EPS15L1: variants seen among roughly 807,000 people sequenced by gnomAD.
EPS15L1 encodes the protein epidermal growth factor receptor substrate 15-like 1.
In EPS15L1, 43 loss-of-function variants were observed where a neutral mutation model predicts 117.1. The ratio of observed to expected loss-of-function variants is 0.37; its 90% CI spans 0.29 to 0.47. The LOEUF (loss-of-function observed/expected upper bound fraction) is 0.47, where lower values mean the gene tolerates loss of function less well. Ranked by LOEUF, EPS15L1 falls within the 20% of genes least tolerant of loss-of-function variation. EPS15L1 has a pLI of 0.99. For missense variants in EPS15L1, 981 were observed against 1,164.0 expected, an observed-to-expected ratio of 0.84 and a Z score of 2.29; for synonymous variants, 459 against 470.5, an observed-to-expected ratio of 0.98 and a Z score of 0.32.
At chr19:16,393,572 C>T (rs1468693339) in intron 18 of EPS15L1, among the ~76,000 whole-genome samples, 1 of 150,650 alleles carries the variant, frequency 6.6e-6, no homozygotes, top group Admixed American at 6.6e-5. Flanking sequence ...TGGCGTGAAC[C>T]CGGGAGGCGG....
In EPS15L1 at chr19:16,436,963, A is replaced by T. The variant is rs756869570; in HGVS notation, c.346T>A (p.Ser116Thr). 1 of 1,614,094 alleles carries T rather than the reference A, an allele frequency of 6.2e-7. No homozygotes were observed. Among genetic ancestry groups the T allele is most frequent in the East Asian group, 2.2e-5 (1 of 44,886 alleles). The change falls in exon 6 of 24, where the codon TCT becomes ACT. Residue 116 changes from serine (S) to threonine (T), a missense_variant. Coordinates refer to ENST00000455140, the MANE Select transcript of EPS15L1 (RefSeq NM_001258374.3). ...TSSPLMVTPP[S>T]AEAHWAVRVE... ...CTCACAGCCCAGTGGGCCTCTGCAGAGGGCGGTGTGACCATCAGAGGGCTG... is the reference window on the plus strand; with the variant it reads ...CTCACAGCCCAGTGGGCCTCTGCAGTGGGCGGTGTGACCATCAGAGGGCTG...
chr19:16,417,833 C>T (rs2092773612), intron 11 of EPS15L1, 115 bp downstream of exon 11: 1 of 1,431,194 alleles, frequency 7.0e-7, no homozygotes, highest in Non-Finnish European at 9.5e-7. Context: ...TTGAGGAAGG[C>T]AGGGACCACA....
chr19:16,372,525 G>A (rs1372015022), intron 22 of EPS15L1, among the ~76,000 whole-genome samples: 2 of 152,184 alleles, frequency 1.3e-5, no homozygotes, highest in Non-Finnish European at 2.9e-5. Flanking sequence ...CTCCCTGCAC[G>A]CTTTTTTTAA....
chr19:16,361,737 G>A (rs372537893), intron 23 of EPS15L1, 42 bp downstream of exon 23: 160 of 1,571,856 alleles, frequency 1.0e-4, no homozygotes, highest in Non-Finnish European at 1.3e-4. Context: ...AGCTGCAAGC[G>A]GAAGGGAGTG....
intron 16 of EPS15L1, among the ~76,000 whole-genome samples, chr19:16,399,409 A>C (rs2092573972): frequency 6.6e-6 from 1 of 152,168 alleles, no homozygotes; most frequent in African/African-American, 2.4e-5. Flanking sequence ...GCAGAGATGT[A>C]ATATCTTGAA....
chr19:16,415,415 A>G, intron 12 of EPS15L1, among the ~76,000 whole-genome samples: 1 of 152,224 alleles, frequency 6.6e-6, no homozygotes, highest in East Asian at 1.9e-4. Context: ...TGTGTCTAAC[A>G]GACCCTGCCT....
intron 8 of EPS15L1, among the ~76,000 whole-genome samples, chr19:16,426,709 G>C (rs982248767): frequency 9.2e-5 from 14 of 152,142 alleles, no homozygotes; most frequent in African/African-American, 3.1e-4. Context: ...TGGAGGAACT[G>C]TTCTAGATCC....
At chr19:16,466,838 G>T (rs1465160333) in intron 1 of EPS15L1, among the ~76,000 whole-genome samples, 3 of 151,850 alleles carry the variant, frequency 2.0e-5, no homozygotes, top group Non-Finnish European at 2.9e-5. Flanking sequence ...AGGAGGCAGA[G>T]GTTGCAGTGA....
intron 8 of EPS15L1, among the ~76,000 whole-genome samples, chr19:16,426,764 TG>T (rs1473523006): frequency 6.6e-6 from 1 of 152,226 alleles, no homozygotes; most frequent in East Asian, 1.9e-4. Flanking sequence ...CACACAGGAC[TG>T]GGTTCTCTTT....
chr19:16,357,160 C>T (rs2091991607), intron 23 of EPS15L1: 1 of 152,360 alleles, frequency 6.6e-6, no homozygotes, highest in South Asian at 2.1e-4. Context: ...GCCTCTCCAC[C>T]ACACGCAGCA....
At chr19:16,367,646 C>G (rs2092155478) in intron 22 of EPS15L1, among the ~76,000 whole-genome samples, 1 of 150,958 alleles carries the variant, frequency 6.6e-6, no homozygotes, top group Non-Finnish European at 1.5e-5. Context: ...GCTGGCTCTG[C>G]TGCACTAGCG....
At chr19:16,368,182 T>C (rs2092165689) in intron 22 of EPS15L1, among the ~76,000 whole-genome samples, 1 of 152,102 alleles carries the variant, frequency 6.6e-6, no homozygotes, top group South Asian at 2.1e-4. Context: ...CACAGAACGA[T>C]CACACAACTC....
At chr19:16,433,674 G>T (rs997633918) in intron 7 of EPS15L1, among the ~76,000 whole-genome samples, 1 of 150,462 alleles carries the variant, frequency 6.6e-6, no homozygotes, top group Admixed American at 6.7e-5. Flanking sequence ...CTCAAAAAAA[G>T]AAATAAAAAA....
rs756438586 is a variant in EPS15L1 at position 16,425,208 on chromosome 19, C to T, written c.667G>A (p.Val223Ile). 3.4e-5 allele frequency: 48 copies of T among 1,402,962 alleles called. No individual in the cohort carries two copies. Among genetic ancestry groups the T allele is most frequent in the Admixed American group, 9.4e-5 (5 of 53,012 alleles). The allele number at this position is 1,402,962 out of a possible 1,614,324, so 86.9% of individuals were successfully genotyped here. ...GGGGGGCTGGCAGGCAGGACGGGGACGGCGCCAGGGAACACAGTCTTCTTT... is the reference window on the plus strand; with the variant it reads ...GGGGGGCTGGCAGGCAGGACGGGGATGGCGCCAGGGAACACAGTCTTCTTT... ...KRKKTVFPGAVPVLPASPPPK... is the reference protein window; with the variant it reads ...KRKKTVFPGAIPVLPASPPPK... The change falls in exon 9 of 24, where the codon GTC becomes ATC. Residue 223 changes from valine to isoleucine, a missense_variant. This residue lies in a region of EPS15L1 where 819 missense variants were observed against 949.0 expected (regional missense o/e 0.86). Transcript: ENST00000455140.
intron 9 of EPS15L1, among the ~76,000 whole-genome samples, chr19:16,423,515 A>G (rs913954639): frequency 1.3e-5 from 2 of 152,102 alleles, no homozygotes; most frequent in African/African-American, 2.4e-5. Flanking sequence ...GATAGCAATG[A>G]GCCGTGATTG....
intron 23 of EPS15L1, 149 bp downstream of exon 23, chr19:16,361,630 T>G: frequency 1.5e-6 from 2 of 1,374,464 alleles, no homozygotes; most frequent in East Asian, 2.7e-5. Context: ...GAAGTGGCAG[T>G]GTAGAATAAA....
chr19:16,435,509 G>T (rs893715636), intron 6 of EPS15L1, among the ~76,000 whole-genome samples: 1 of 152,162 alleles, frequency 6.6e-6, no homozygotes, highest in African/African-American at 2.4e-5. Context: ...GTTACATGAT[G>T]TGTCTTTCAA....
At chr19:16,445,642 G>A (rs1034760837) in intron 1 of EPS15L1, among the ~76,000 whole-genome samples, 1 of 152,216 alleles carries the variant, frequency 6.6e-6, no homozygotes, top group Non-Finnish European at 1.5e-5. Flanking sequence ...ACTGGCCCCT[G>A]TGCAGAGACC....
At chr19:16,395,923 C>G (rs1419384637) in intron 16 of EPS15L1, among the ~76,000 whole-genome samples, 2 of 92,686 alleles carry the variant, frequency 2.2e-5, no homozygotes, top group South Asian at 2.8e-4. Flanking sequence ...CCAGCCTGGG[C>G]GATAGAGTGA....
Sources: gnomAD v4.1 joint callset for allele counts (sites outside exome capture counted in the v4.1 genomes callset) on GRCh38, gnomAD v4.1.1 for gene constraint, gnomAD v4.1.1 regional missense constraint, MANE v1.5 for transcripts, NCBI Gene and HGNC (gene_info 2026-07-23, HGNC 2026-07-21) for gene names.